Variants in FAM135B observed in about 807,000 individuals in gnomAD.
FAM135B encodes protein FAM135B.
A neutral mutation model predicts 127.7 loss-of-function variants in FAM135B; 43 were observed. That is an observed-to-expected ratio of 0.34 (90% CI 0.26 to 0.43). The LOEUF (loss-of-function observed/expected upper bound fraction) is 0.43. Ranked by LOEUF, FAM135B falls within the 20% of genes least tolerant of loss-of-function variation. FAM135B has a pLI of 1.00. For missense variants in FAM135B, 1,558 were observed against 1,725.6 expected (o/e 0.90, Z 1.72); for synonymous variants, 670 against 665.1 (o/e 1.01, Z -0.11).
intron 1 of FAM135B, among the ~76,000 whole-genome samples, chr8:138,420,326 T>C (rs1834418664): frequency 6.6e-6 from 1 of 152,092 alleles, no homozygotes; most frequent in Admixed American, 6.6e-5. Flanking sequence ...CTCAAGAGAC[T>C]AATAATGCAT....
chr8:138,283,060 C>T (rs1221199013), intron 3 of FAM135B, among the ~76,000 whole-genome samples: 2 of 152,034 alleles, frequency 1.3e-5, no homozygotes, highest in Non-Finnish European at 2.9e-5. Context: ...GCCACCATGC[C>T]CAGCTAATTT....
At position 138,132,898 on chromosome 8, in the gene FAM135B, A is replaced by G. The variant is rs529493105; in HGVS notation, c.4016-100T>C. The G allele has an allele frequency of 4.8e-4, 478 of 1,001,834 alleles. 1 individual carries two copies. The highest frequency in any genetic ancestry group is 6.7e-4 in the Non-Finnish European group (429 of 636,840). The allele number at this position is 1,001,834 out of a possible 1,614,324, so 62.1% of individuals were successfully genotyped here. A position where few individuals can be genotyped will look rare whatever the true frequency, so the allele number is the denominator to read the frequency against. On this transcript the variant is annotated intron_variant, in intron 19 of 19. Transcript: ENST00000395297. The surrounding 1 kb of genome is among the most constrained non-coding windows in gnomAD (Gnocchi z 4.5). ...GTGTCGAAATTCTGTTCCTGGGCAG[A>G]CCTGTTATACAGCAGTTTCCAACCT...
chr8:138,314,077 G>A (rs965037307), intron 2 of FAM135B, among the ~76,000 whole-genome samples: 1 of 152,166 alleles, frequency 6.6e-6, no homozygotes, highest in African/African-American at 2.4e-5. Flanking sequence ...CCTAAGGGCA[G>A]GAATGCTGTG....
chr8:138,216,385 C>G (rs1045833476), intron 7 of FAM135B, among the ~76,000 whole-genome samples: 6 of 152,082 alleles, frequency 3.9e-5, no homozygotes, highest in African/African-American at 1.4e-4. Flanking sequence ...TACACAGATG[C>G]TGAAGGTTAT....
At chr8:138,352,619 A>G (rs953800973) in intron 2 of FAM135B, among the ~76,000 whole-genome samples, 7 of 152,164 alleles carry the variant, frequency 4.6e-5, no homozygotes, top group African/African-American at 1.7e-4. Flanking sequence ...GTTAGGGTGG[A>G]GGGAGACAGA....
rs189965328 is a variant in FAM135B, at chr8:138,380,711, T to C, written c.-19-12709A>G. Among the ~76,000 whole-genome samples the C allele has an allele frequency of 2.2e-3, 330 of 151,700 alleles. 4 individuals carry two copies. The highest frequency in any genetic ancestry group is 2.6e-3 in the Non-Finnish European group (178 of 67,900). On this transcript the variant is annotated intron_variant, in intron 1 of 19. Transcript: ENST00000395297. ...TTGGTGGTCAAAGTTTTTACATCCA[T>C]GATTTCATCTGATCACAGAAAGAAC...
chr8:138,288,021 T>A lies in FAM135B; in HGVS notation c.158-22179A>T, dbSNP rs537786284. On this transcript the variant is annotated intron_variant, in intron 3 of 19. Coordinates refer to ENST00000395297, the MANE Select transcript of FAM135B (RefSeq NM_015912.4). Reference sequence around the variant, plus strand: ...CTATTATATAACCAAATGAAGGAAGTAATGAAATTACCACATAATTATCAC... The same window carrying A: ...CTATTATATAACCAAATGAAGGAAGAAATGAAATTACCACATAATTATCAC... 7.2e-5 allele frequency among the ~76,000 whole-genome samples: 11 copies of A among 152,320 alleles called. No individual in the cohort carries two copies. In the East Asian group the frequency reaches 2.1e-3, roughly 29 times the overall value.
intron 1 of FAM135B, among the ~76,000 whole-genome samples, chr8:138,376,760 C>A (rs1386687264): frequency 6.6e-6 from 1 of 152,150 alleles, no homozygotes; most frequent in Admixed American, 6.5e-5. Flanking sequence ...GAGCTTCAGT[C>A]ATTGCCTACA....
intron 3 of FAM135B, among the ~76,000 whole-genome samples, chr8:138,277,485 A>G (rs1453515565): frequency 6.6e-6 from 1 of 151,932 alleles, no homozygotes; most frequent in Non-Finnish European, 1.5e-5. Flanking sequence ...TTAACTTTCA[A>G]CTCTACACAG....
intron 7 of FAM135B, among the ~76,000 whole-genome samples, chr8:138,229,685 G>T (rs1429118845): frequency 6.6e-6 from 1 of 152,142 alleles, no homozygotes; most frequent in Admixed American, 6.6e-5. Context: ...ATAAAGAACT[G>T]CCCGAGACTG....
intron 7 of FAM135B, among the ~76,000 whole-genome samples, chr8:138,210,202 A>C (rs1419141975): frequency 1.3e-5 from 2 of 152,160 alleles, no homozygotes; most frequent in Non-Finnish European, 2.9e-5. Flanking sequence ...GCGGTTCACT[A>C]TGGTGCCTTA....
intron 3 of FAM135B, among the ~76,000 whole-genome samples, chr8:138,274,538 A>C (rs543087686): frequency 1.3e-5 from 2 of 152,330 alleles, no homozygotes; most frequent in South Asian, 4.1e-4. Flanking sequence ...ATGACATCTT[A>C]TCAGGAGACA....
At chr8:138,155,640 G>C (rs1248195008) in intron 12 of FAM135B, among the ~76,000 whole-genome samples, 1 of 152,100 alleles carries the variant, frequency 6.6e-6, no homozygotes, top group Non-Finnish European at 1.5e-5. Context: ...AACAGGGGTT[G>C]CAATCCTAGT....
rs187081961 is a variant in FAM135B at position 138,152,710 on chromosome 8, T to C, written c.1765A>G (p.Arg589Gly). 1.9e-6 allele frequency: 3 copies of C among 1,614,224 alleles called. No individual in the cohort carries two copies. The change falls in exon 13 of 20, where the codon AGG (arginine) becomes GGG (glycine). Residue 589 changes from arginine to glycine, a missense_variant. By Grantham distance (125) the Arg-to-Gly change is moderately radical (BLOSUM62 -2). Coordinates refer to ENST00000395297, the MANE Select transcript of FAM135B (RefSeq NM_015912.4). ...ACTACCACTTTGCTTAGCCCAGTCC[T>C]GTCTAATCCATACTTATCTCTAGAG... ...RSSRDKYGLD[R>G]TGLSKVVVGG...
intron 12 of FAM135B, among the ~76,000 whole-genome samples, chr8:138,161,542 C>T (rs1819390172): frequency 6.6e-6 from 1 of 152,008 alleles, no homozygotes; most frequent in African/African-American, 2.4e-5. Context: ...AGTTTAAATC[C>T]TCCACATGGT....
intron 7 of FAM135B, among the ~76,000 whole-genome samples, chr8:138,199,405 A>G (rs1172916222): frequency 6.6e-6 from 1 of 152,178 alleles, no homozygotes; most frequent in African/African-American, 2.4e-5. Flanking sequence ...ATATCTGTGC[A>G]GCTGTAAAGC....
At chr8:138,451,364 A>C (rs758107858) in intron 1 of FAM135B, among the ~76,000 whole-genome samples, 2 of 152,186 alleles carry the variant, frequency 1.3e-5, no homozygotes, top group Non-Finnish European at 2.9e-5. Context: ...AGTTTTTGAA[A>C]TGGTTCTTGG....
Position 138,426,014 on chromosome 8 carries a change from C to CAT in FAM135B, c.-19-58013_-19-58012insAT, listed in dbSNP as rs1563992474. ...ATATATATATATATATATATATATA[C>CAT]ACACACATACATATACACACACACA... On this transcript the variant is annotated intron_variant, in intron 1 of 19. Transcript: ENST00000395297. 6.9e-4 allele frequency among the ~76,000 whole-genome samples: 38 copies of CAT among 55,200 alleles called. 1 individual carries two copies. The highest frequency in any genetic ancestry group is 2.7e-3 in the East Asian group (6 of 2,226). 36.2% of individuals were successfully genotyped at this position (55,200 alleles called of 152,430 possible). A position where few individuals can be genotyped will look rare whatever the true frequency, so the allele number is the denominator to read the frequency against.
At chr8:138,337,220 C>G (rs1262037730) in intron 2 of FAM135B, among the ~76,000 whole-genome samples, 3 of 151,362 alleles carry the variant, frequency 2.0e-5, no homozygotes, top group Non-Finnish European at 4.4e-5. Flanking sequence ...CCCTCTCTCA[C>G]CACTCCTATT....
Sources: gnomAD v4.1 joint callset for allele counts (sites outside exome capture counted in the v4.1 genomes callset) on GRCh38, gnomAD v4.1.1 for gene constraint, Gnocchi (gnomAD v3.1) non-coding constraint, MANE v1.5 for transcripts, NCBI Gene and HGNC (gene_info 2026-07-23, HGNC 2026-07-21) for gene names.